Variants in GDPD4 observed in about 807,000 individuals in gnomAD.
GDPD4 encodes glycerophosphodiester phosphodiesterase domain containing 4, also known as glycerophosphodiester phosphodiesterase 6.
GDPD4 carries 60 observed loss-of-function variants against 67.8 expected under a neutral mutation model. The observed-to-expected ratio is 0.88, with a 90% CI of 0.72 to 1.10. GDPD4 has a LOEUF of 1.10. GDPD4 is among the 50% of genes least tolerant of loss of function. GDPD4 has a pLI of 0.00. For missense variants in GDPD4, 623 were observed against 613.9 expected (o/e 1.01, Z -0.16); for synonymous variants, 212 against 210.9 (o/e 1.00, Z -0.04).
chr11:77,223,834 C>T (rs978073384), intron 16 of GDPD4, among the ~76,000 whole-genome samples: 3 of 152,178 alleles, frequency 2.0e-5, no homozygotes, highest in East Asian at 3.8e-4. Context: ...CCTCCTTGAG[C>T]TCCGGTGGGC....
rs753105823 is a variant in GDPD4, at chr11:77,217,087, A to C, written c.*190T>G. 6 of 707,200 alleles carry C rather than the reference A, an allele frequency of 8.5e-6. No homozygotes were observed. Among genetic ancestry groups the C allele is most frequent in the Middle Eastern group, 2.3e-4 (1 of 4,372 alleles). The allele number at this position is 707,200 out of a possible 1,614,324, so 43.8% of individuals were successfully genotyped here. ...CGGTGGGCATCGGTGGTTGAATCTC[A>C]TGCTTGCCAGGCTTCAAAGGTGTGA... On this transcript the variant is annotated 3_prime_UTR_variant, in exon 17 of 17. Transcript: ENST00000315938.
At chr11:77,263,442 A>G (rs574362042) in intron 10 of GDPD4, among the ~76,000 whole-genome samples, 10 of 152,294 alleles carry the variant, frequency 6.6e-5, no homozygotes, top group Admixed American at 5.9e-4. Context: ...CGACTGAAAA[A>G]AAAGAAAAGA....
intron 1 of GDPD4, among the ~76,000 whole-genome samples, chr11:77,298,288 G>T (rs1938044973): frequency 6.6e-6 from 1 of 152,190 alleles, no homozygotes; most frequent in South Asian, 2.1e-4. Flanking sequence ...AAGGCGGGCA[G>T]ATCACCTGAG....
chr11:77,268,605 T>C lies in GDPD4; in HGVS notation c.625-66A>G, dbSNP rs559799755. 61 of 1,268,992 alleles carry C rather than the reference T, an allele frequency of 4.8e-5. No homozygotes were observed. In the Admixed American group the frequency reaches 1.0e-3, roughly 21 times the overall value. 78.6% of individuals were successfully genotyped at this position (1,268,992 alleles called of 1,614,324 possible). A position where few individuals can be genotyped will look rare whatever the true frequency, so the allele number is the denominator to read the frequency against. ...TCTCCTCCCAGCATTCCTTTTGTGGTAGGGGTAGAGCCCAGTAGGATTTTG... is the reference window on the plus strand; with the variant it reads ...TCTCCTCCCAGCATTCCTTTTGTGGCAGGGGTAGAGCCCAGTAGGATTTTG... On this transcript the variant is annotated intron_variant, in intron 9 of 16. Transcript: ENST00000315938.
chr11:77,258,322 G>C, intron 11 of GDPD4, 64 bp downstream of exon 11: 5 of 1,468,864 alleles, frequency 3.4e-6, no homozygotes, highest in South Asian at 1.2e-5. Flanking sequence ...TTATTTTCAG[G>C]AGCAGCACAT....
At chr11:77,264,212 A>G (rs1477965399) in intron 10 of GDPD4, among the ~76,000 whole-genome samples, 3 of 152,208 alleles carry the variant, frequency 2.0e-5, no homozygotes, top group Non-Finnish European at 1.5e-5. Context: ...ACTTGTTTAC[A>G]TTACTTGCTT....
At chr11:77,264,998 CAG>C (rs1345089547) in intron 10 of GDPD4, among the ~76,000 whole-genome samples, 3 of 152,080 alleles carry the variant, frequency 2.0e-5, no homozygotes, top group African/African-American at 7.2e-5. Flanking sequence ...TTATTATCAA[CAG>C]ACTTATATCT....
At chr11:77,300,858 A>G (rs1405191824) in intron 1 of GDPD4, among the ~76,000 whole-genome samples, 1 of 152,228 alleles carries the variant, frequency 6.6e-6, no homozygotes, top group African/African-American at 2.4e-5. Flanking sequence ...CAGTTGGTTA[A>G]TGATGAAACT....
chr11:77,259,262 G>T (rs1591553934), intron 10 of GDPD4, among the ~76,000 whole-genome samples: 1 of 152,270 alleles, frequency 6.6e-6, no homozygotes, highest in African/African-American at 2.4e-5. Context: ...TTATAGGCAT[G>T]AGCCACCGTG....
intron 12 of GDPD4, among the ~76,000 whole-genome samples, chr11:77,244,411 C>T (rs1489280151): frequency 1.3e-5 from 2 of 152,180 alleles, no homozygotes; most frequent in Non-Finnish European, 2.9e-5. Flanking sequence ...CTCATGACCT[C>T]TCCATTTACC....
rs148513761 is a variant in GDPD4, at chr11:77,252,147, T to C, written c.864+6239A>G. ...AGTGTGATCTTGACTCACTGCAACC[T>C]CCCCCTCCCGGGTTCAAGCATTCTC... On this transcript the variant is annotated intron_variant, in intron 11 of 16. Coordinates refer to ENST00000315938, the MANE Select transcript of GDPD4 (RefSeq NM_182833.3). Among the ~76,000 whole-genome samples the C allele has an allele frequency of 1.6e-3, 226 of 143,230 alleles. 3 individuals carry two copies. The highest frequency in any genetic ancestry group is 5.6e-3 in the African/African-American group (219 of 38,922). The allele number at this position is 143,230 out of a possible 152,430, so 94.0% of individuals were successfully genotyped here.
rs1372718268 is a variant in GDPD4, at chr11:77,228,466, C to T, written c.1473-550G>A. On this transcript the variant is annotated intron_variant, in intron 15 of 16. Coordinates refer to ENST00000315938, the MANE Select transcript of GDPD4 (RefSeq NM_182833.3). ...AGTGAGCCGAGATCGTGACACTATA[C>T]TCCAGCCTGGGTGACAGAGCAAGAC... 2.3e-5 allele frequency among the ~76,000 whole-genome samples: 3 copies of T among 128,776 alleles called. No homozygotes were observed. The South Asian group carries it at 7.6e-4, about 33-fold the overall frequency. 84.5% of individuals were successfully genotyped at this position (128,776 alleles called of 152,430 possible). A position where few individuals can be genotyped will look rare whatever the true frequency, so the allele number is the denominator to read the frequency against.
rs1959189339 is a variant in GDPD4, at chr11:77,268,487, G to C, written c.677C>G (p.Ala226Gly). The C allele has an allele frequency of 6.2e-7, 1 of 1,612,816 alleles. No homozygotes were observed. Among genetic ancestry groups the C allele is most frequent in the African/African-American group, 1.3e-5 (1 of 74,752 alleles). The change falls in exon 10 of 17, where the codon GCC becomes GGC. Residue 226 changes from alanine to glycine, a missense_variant. By Grantham distance (60) the Ala-to-Gly change is moderately conservative (BLOSUM62 0). Transcript: ENST00000315938. ...GTGTATATCAGTCTCCAATCCATGG[G>C]CTCCATGTTCAACAGCTTTCTCAAA... ...MSFEKAVEHG[A>G]HGLETDIHLS...
chr11:77,281,917 T>C (rs12284995), intron 3 of GDPD4, among the ~76,000 whole-genome samples: 13,294 of 151,946 alleles, frequency 0.087, 1,652 homozygotes, highest in African/African-American at 0.27. Context: ...GGTTATTTTT[T>C]ATACAGGGAA....
chr11:77,219,391 A>G (rs1958185274), intron 16 of GDPD4, among the ~76,000 whole-genome samples: 1 of 151,998 alleles, frequency 6.6e-6, no homozygotes, highest in Admixed American at 6.6e-5. Flanking sequence ...ATTAGATCCC[A>G]TTTGTCTATT....
intron 16 of GDPD4, among the ~76,000 whole-genome samples, chr11:77,223,833 G>C (rs1282425582): frequency 6.6e-6 from 1 of 152,136 alleles, no homozygotes; most frequent in African/African-American, 2.4e-5. Context: ...GCCTCCTTGA[G>C]CTCCGGTGGG....
At chr11:77,280,071 TTG>T (rs1959689096) in intron 3 of GDPD4, among the ~76,000 whole-genome samples, 1 of 152,184 alleles carries the variant, frequency 6.6e-6, no homozygotes, top group African/African-American at 2.4e-5. Context: ...GGAAATTCTC[TTG>T]GACAAGAGCT....
chr11:77,252,757 C>A (rs1958931699), intron 11 of GDPD4, among the ~76,000 whole-genome samples: 1 of 152,160 alleles, frequency 6.6e-6, no homozygotes, highest in Non-Finnish European at 1.5e-5. Context: ...GGTATAGTCT[C>A]TGTGCAGCTT....
At chr11:77,228,795 T>G (rs1188620864) in intron 15 of GDPD4, among the ~76,000 whole-genome samples, 2 of 152,296 alleles carry the variant, frequency 1.3e-5, no homozygotes, top group East Asian at 3.9e-4. Flanking sequence ...GTCTTCCTGG[T>G]TTATGAACTT....
Sources: allele counts gnomAD v4.1 joint callset (sites outside exome capture counted in the v4.1 genomes callset), GRCh38; gene constraint gnomAD v4.1.1; transcripts MANE v1.5; gene names NCBI Gene and HGNC (gene_info 2026-07-23, HGNC 2026-07-21).